Variants in AGBL4 observed in about 807,000 individuals in gnomAD.
AGBL4 encodes the protein cytosolic carboxypeptidase 6.
A neutral mutation model predicts 66.4 loss-of-function variants in AGBL4; 58 were observed. The observed-to-expected ratio is 0.87, with a 90% CI of 0.71 to 1.09. The LOEUF (loss-of-function observed/expected upper bound fraction) is 1.09. Ranked by LOEUF, AGBL4 falls within the 50% of genes least tolerant of loss-of-function variation. AGBL4 has a pLI of 0.00. For missense variants in AGBL4, 579 were observed against 631.0 expected, an observed-to-expected ratio of 0.92 and a Z score of 0.88; for synonymous variants, 234 against 222.9, an observed-to-expected ratio of 1.05 and a Z score of -0.44.
intron 4 of AGBL4, among the ~76,000 whole-genome samples, chr1:49,064,215 G>A (rs1370171305): frequency 2.0e-5 from 3 of 152,174 alleles, no homozygotes; most frequent in Admixed American, 6.5e-5. Context: ...TGTAGTGGAC[G>A]TTACTAAATT....
chr1:48,546,939 CAG>C (rs944090603), intron 11 of AGBL4, among the ~76,000 whole-genome samples: 5 of 149,886 alleles, frequency 3.3e-5, no homozygotes, highest in African/African-American at 9.9e-5. Flanking sequence ...AGAAAATGCA[CAG>C]AGTCTGTACC....
intron 1 of AGBL4, among the ~76,000 whole-genome samples, chr1:49,895,941 T>TA (rs34539823): frequency 1.7e-3 from 223 of 133,950 alleles, no homozygotes; most frequent in East Asian, 4.3e-3. Flanking sequence ...CTGAATGGGG[T>TA]AAAAAAAAAA....
rs149479627 is a variant in AGBL4 at position 49,785,313 on chromosome 1, G to C, written c.157+66083C>G. Among the ~76,000 whole-genome samples, 439 of 152,060 alleles carry C rather than the reference G, an allele frequency of 2.9e-3. 2 individuals carry two copies. The highest frequency in any genetic ancestry group is 0.01 in the Middle Eastern group (3 of 294). ...AATGTATGTTACAAAATTACTAAAA[G>C]AATGTATGTTAAAATGTTCTCTCTA... On this transcript the variant is annotated intron_variant, in intron 2 of 13. Coordinates refer to ENST00000371839, the MANE Select transcript of AGBL4 (RefSeq NM_032785.4).
At chr1:49,437,780 C>A (rs1645935315) in intron 3 of AGBL4, among the ~76,000 whole-genome samples, 1 of 147,650 alleles carries the variant, frequency 6.8e-6, no homozygotes. Context: ...AAAAAATGGA[C>A]CACTTATAAA....
chr1:49,944,329 T>C (rs560942142), intron 1 of AGBL4, among the ~76,000 whole-genome samples: 1 of 152,234 alleles, frequency 6.6e-6, no homozygotes, highest in East Asian at 1.9e-4. Context: ...CCAGAGCAGA[T>C]GGTGGTATCC....
chr1:49,256,420 T>G (rs1652508821), intron 3 of AGBL4, among the ~76,000 whole-genome samples: 1 of 152,164 alleles, frequency 6.6e-6, no homozygotes, highest in Admixed American at 6.5e-5. Context: ...AAATAAAATT[T>G]TATTGTGATA....
intron 9 of AGBL4, among the ~76,000 whole-genome samples, chr1:48,599,054 T>G (rs1268224038): frequency 6.6e-6 from 1 of 152,128 alleles, no homozygotes; most frequent in Admixed American, 6.5e-5. Context: ...AGCCGAGAGC[T>G]ACATAGGATC....
intron 1 of AGBL4, among the ~76,000 whole-genome samples, chr1:49,915,162 G>A (rs1043727470): frequency 2.6e-5 from 4 of 152,120 alleles, no homozygotes; most frequent in Non-Finnish European, 5.9e-5. Context: ...CGTGAGCAAC[G>A]CAGAAGACAG....
Position 49,143,531 on chromosome 1 carries a change from G to A in AGBL4, c.378-97731C>T, listed in dbSNP as rs373377737. Among the ~76,000 whole-genome samples, 56 of 152,272 alleles carry A rather than the reference G, an allele frequency of 3.7e-4. 1 individual carries two copies. In the South Asian group the frequency reaches 9.5e-3, roughly 26 times the overall value. On this transcript the variant is annotated intron_variant, in intron 4 of 13. Coordinates refer to ENST00000371839, the MANE Select transcript of AGBL4 (RefSeq NM_032785.4). Reference sequence around the variant, plus strand: ...CTTCTGCTTCTGGACTGTGAGTTCCGTGAGGGCAGGGAATGTGCCATGCTT... The same window carrying A: ...CTTCTGCTTCTGGACTGTGAGTTCCATGAGGGCAGGGAATGTGCCATGCTT...
At chr1:49,514,968 C>T (rs61783603) in intron 3 of AGBL4, among the ~76,000 whole-genome samples, 6 of 151,954 alleles carry the variant, frequency 3.9e-5, no homozygotes, top group South Asian at 4.1e-4. Context: ...ATTCAGGACA[C>T]AGGCATGGGC....
intron 3 of AGBL4, among the ~76,000 whole-genome samples, chr1:49,490,016 A>G (rs1647155374): frequency 6.6e-6 from 1 of 151,810 alleles, no homozygotes; most frequent in Non-Finnish European, 1.5e-5. Context: ...AAATACTTAC[A>G]TGTCTTAATT....
At chr1:49,897,456 G>A (rs1422707196) in intron 1 of AGBL4, among the ~76,000 whole-genome samples, 2 of 151,394 alleles carry the variant, frequency 1.3e-5, no homozygotes, top group Non-Finnish European at 3.0e-5. Flanking sequence ...AAATTGAAGA[G>A]GACACAAAAA....
chr1:49,656,967 C>T lies in AGBL4; in HGVS notation c.282+40346G>A, dbSNP rs540566674. On this transcript the variant is annotated intron_variant, in intron 3 of 13. Transcript: ENST00000371839. ...GGTACAAAACAGGGATGCCCTCTTT[C>T]GCCACTCCTATTCAACATAGTGTTG... Among the ~76,000 whole-genome samples, 35 of 152,266 alleles carry T rather than the reference C, an allele frequency of 2.3e-4. 1 individual carries two copies. In the South Asian group the frequency reaches 4.4e-3, roughly 19 times the overall value.
chr1:49,243,490 CCTAGACATAGAG>C (rs1651399805), intron 4 of AGBL4, among the ~76,000 whole-genome samples: 1 of 151,606 alleles, frequency 6.6e-6, no homozygotes, highest in African/African-American at 2.4e-5. Context: ...AAAAGGAAGT[CCTAGACATAGAG>C]CACCAAGGTG....
intron 5 of AGBL4, among the ~76,000 whole-genome samples, chr1:48,993,356 A>C (rs796242661): frequency 3.9e-5 from 6 of 152,290 alleles, no homozygotes; most frequent in African/African-American, 1.4e-4. Flanking sequence ...GGTGGTATCC[A>C]AGTTGCAAGA....
chr1:49,908,570 G>A (rs1650502159), intron 1 of AGBL4, among the ~76,000 whole-genome samples: 1 of 152,158 alleles, frequency 6.6e-6, no homozygotes, highest in African/African-American at 2.4e-5. Context: ...AGAACCGTGA[G>A]CCAATTAAAC....
intron 2 of AGBL4, among the ~76,000 whole-genome samples, chr1:49,720,408 T>C (rs1648506503): frequency 6.6e-6 from 1 of 152,176 alleles, no homozygotes; most frequent in Non-Finnish European, 1.5e-5. Context: ...ATCTGTACTA[T>C]ATTTTGGCTA....
intron 6 of AGBL4, among the ~76,000 whole-genome samples, chr1:48,683,467 T>A (rs1002809944): frequency 6.6e-6 from 1 of 152,232 alleles, no homozygotes; most frequent in African/African-American, 2.4e-5. Context: ...AGTCTCATTC[T>A]AAATCACAGT....
In AGBL4 at chr1:49,783,767, TA is replaced by T. The variant is rs1402068855; in HGVS notation, c.157+67628del. On this transcript the variant is annotated intron_variant, in intron 2 of 13. Transcript: ENST00000371839. The stretch of plus-strand genomic sequence containing the variant: ...ATATAGAAAATCCTAAAGAATCCAA[TA>T]AAAAAAGTATTTGAGCTAAAAAATG... 2.0e-5 allele frequency among the ~76,000 whole-genome samples: 3 copies of T among 151,958 alleles called. No individual in the cohort carries two copies. In the South Asian group the frequency reaches 6.2e-4, roughly 32 times the overall value.
Sources: allele counts gnomAD v4.1 joint callset (sites outside exome capture counted in the v4.1 genomes callset), GRCh38; gene constraint gnomAD v4.1.1; transcripts MANE v1.5; gene names NCBI Gene and HGNC (gene_info 2026-07-23, HGNC 2026-07-21).